The following CC2D2A variants were observed in gnomAD, a reference collection of about 807,000 sequenced individuals.
The protein encoded by CC2D2A is coiled-coil and C2 domain-containing protein 2A.
In CC2D2A, 155 loss-of-function variants were observed where a neutral mutation model predicts 212.9. The ratio of observed to expected loss-of-function variants is 0.73; its 90% confidence interval spans 0.64 to 0.83. The LOEUF is 0.83. Among genes scored for constraint, CC2D2A ranks in the 40% least tolerant of loss-of-function variants. The pLI, the probability that CC2D2A is intolerant of heterozygous loss-of-function variation, is 0.00. For missense variants in CC2D2A, 1,856 were observed against 1,956.2 expected (o/e 0.95, Z 0.97); for synonymous variants, 667 against 686.5 (o/e 0.97, Z 0.44).
intron 12 of CC2D2A, among the ~76,000 whole-genome samples, chr4:15,528,231 C>T (rs558697172): frequency 3.8e-4 from 58 of 152,280 alleles, no homozygotes; most frequent in Non-Finnish European, 6.5e-4. Flanking sequence ...TCTCGTTTTA[C>T]GAGTCTGTAA....
chr4:15,474,821 G>A (rs1714067944), intron 1 of CC2D2A, among the ~76,000 whole-genome samples: 1 of 152,178 alleles, frequency 6.6e-6, no homozygotes, highest in Non-Finnish European at 1.5e-5. Flanking sequence ...ACATGGCAAC[G>A]CAGGGGTCAC....
At chr4:15,474,094 A>G (rs941392866) in intron 1 of CC2D2A, among the ~76,000 whole-genome samples, 1 of 152,214 alleles carries the variant, frequency 6.6e-6, no homozygotes, top group Non-Finnish European at 1.5e-5. Context: ...AGATGGCCAG[A>G]GGAATGAAAA....
In CC2D2A at chr4:15,586,256, T is replaced by A. The variant is rs1400192200; in HGVS notation, c.4065+10T>A. On this transcript the variant is annotated intron_variant, in intron 31 of 36. Transcript: ENST00000424120. ...CTGGAGCACATCTGATGTAAGTAGT[T>A]CTTCTTCACAGATTTAGAAACTTGA... 2.6e-6 allele frequency: 4 copies of A among 1,521,608 alleles called. No homozygotes were observed. The East Asian group carries it at 7.0e-5, about 27-fold the overall frequency. The allele number at this position is 1,521,608 out of a possible 1,614,324, so 94.3% of individuals were successfully genotyped here. A position where few individuals can be genotyped will look rare whatever the true frequency, so the allele number is the denominator to read the frequency against.
chr4:15,511,032 A>G (rs1032668412), intron 7 of CC2D2A, among the ~76,000 whole-genome samples: 1 of 152,194 alleles, frequency 6.6e-6, no homozygotes, highest in Admixed American at 6.5e-5. Context: ...TTTTAAAGTC[A>G]CTAATTAGAG....
chr4:15,583,875 TG>T (rs1720751903), intron 30 of CC2D2A, among the ~76,000 whole-genome samples: 2 of 149,650 alleles, frequency 1.3e-5, no homozygotes. Context: ...GGCGTGAACC[TG>T]GGAGGTGGAG....
intron 29 of CC2D2A, 68 bp from the exon 30 acceptor site, chr4:15,579,900 T>C (rs1720581880): frequency 8.0e-7 from 1 of 1,253,870 alleles, no homozygotes; most frequent in South Asian, 1.2e-5. Flanking sequence ...ATGTTGACTG[T>C]GGAATCTGAA....
chr4:15,528,659 C>T lies in CC2D2A; in HGVS notation c.1399C>T (p.Pro467Ser). ...AAATGCTGTTCAGACTGGCCTTGAT[C>T]CAGAAAAACCTCATCAGTCTCTCGA... ...LRNAVQTGLDPEKPHQSLDTI... is the reference protein window; with the variant it reads ...LRNAVQTGLDSEKPHQSLDTI... Residue 467 changes from proline (P) to serine (S), a missense_variant, in exon 13 of 37, where the codon CCA becomes TCA. Transcript: ENST00000424120. 1 of 1,613,754 alleles carries T rather than the reference C, an allele frequency of 6.2e-7. No homozygotes were observed. The highest frequency in any genetic ancestry group is 1.1e-5 in the South Asian group (1 of 91,032).
rs1435144536 is a variant in CC2D2A, at chr4:15,502,461, G to C, written c.280G>C (p.Gly94Arg). Residue 94 changes from glycine to arginine, a missense_variant, in exon 5 of 37, where the codon GGC becomes CGC. Physicochemically the swap from Gly to Arg is moderately radical, Grantham distance 125. This residue lies in a region of CC2D2A where 1,512 missense variants were observed against 1,579.3 expected (regional missense o/e 0.96). Transcript: ENST00000424120. ...TCCAATTCCTTCAACTTCCAGAACA[G>C]GCTTTGCAGAATTTTCCATGAGGGG... is the stretch of plus-strand genomic sequence containing the variant. ...LPPIPSTSRT[G>R]FAEFSMRGRM... 9 of 1,608,288 alleles carry C rather than the reference G, an allele frequency of 5.6e-6. No individual in the cohort carries two copies. The highest frequency in any genetic ancestry group is 6.8e-6 in the Non-Finnish European group (8 of 1,178,424).
chr4:15,529,143 A>G (rs1475945546), intron 13 of CC2D2A, among the ~76,000 whole-genome samples: 2 of 152,232 alleles, frequency 1.3e-5, no homozygotes, highest in African/African-American at 4.8e-5. Context: ...ACTGTGGCTC[A>G]TGCCTGTAAT....
At chr4:15,482,144 T>A (rs1318820211) in intron 4 of CC2D2A, 2 of 985,324 alleles carry the variant, frequency 2.0e-6, no homozygotes, top group East Asian at 2.3e-4. Flanking sequence ...TAAGTAACTG[T>A]TGGAAACTAG....
chr4:15,589,513 G>C, intron 32 of CC2D2A, 32 bp from the exon 33 acceptor site: 1 of 1,598,220 alleles, frequency 6.3e-7, no homozygotes, highest in South Asian at 1.1e-5. Flanking sequence ...ATAAATAGTT[G>C]AAAACTAGTT....
At chr4:15,566,095 A>G (rs1719869577) in intron 24 of CC2D2A, among the ~76,000 whole-genome samples, 1 of 152,218 alleles carries the variant, frequency 6.6e-6, no homozygotes, top group Admixed American at 6.5e-5. Context: ...TTGGCAAACC[A>G]TAAGGTTCAA....
chr4:15,486,450 T>C (rs1028695352), intron 4 of CC2D2A, among the ~76,000 whole-genome samples: 2 of 152,094 alleles, frequency 1.3e-5, no homozygotes, highest in African/African-American at 2.4e-5. Context: ...TATTGGCATA[T>C]AGTTGCTCAT....
intron 4 of CC2D2A, among the ~76,000 whole-genome samples, chr4:15,497,182 C>T (rs149518553): frequency 1.3e-5 from 2 of 152,284 alleles, no homozygotes; most frequent in African/African-American, 2.4e-5. Flanking sequence ...GATACGGTAA[C>T]TAAAACAGCA....
At chr4:15,567,523 A>T (rs13116304) in intron 25 of CC2D2A, 41 bp downstream of exon 25, 15 of 1,546,370 alleles carry the variant, frequency 9.7e-6, no homozygotes, top group Middle Eastern at 1.7e-4. Flanking sequence ...TTGCCCCTTA[A>T]GTTTTTAAGA....
In CC2D2A at chr4:15,502,340, G is replaced by C. The variant is rs145397085; in HGVS notation, c.248-89G>C. 813 of 991,644 alleles carry C rather than the reference G, an allele frequency of 8.2e-4. 2 individuals are homozygous for C. Among genetic ancestry groups the C allele is most frequent in the Non-Finnish European group, 1.0e-3 (694 of 676,578 alleles). 61.4% of individuals were successfully genotyped at this position (991,644 alleles called of 1,614,324 possible). On this transcript the variant is annotated intron_variant, in intron 4 of 36. Coordinates refer to ENST00000424120, the MANE Select transcript of CC2D2A (RefSeq NM_001378615.1). ...TTTTTTAATTTAACCTTCCCTTTTG[G>C]GGGGAGGGAATTGTTTTAAAGTAAT...
At chr4:15,592,086 T>C (rs575051151) in intron 33 of CC2D2A, among the ~76,000 whole-genome samples, 2 of 152,270 alleles carry the variant, frequency 1.3e-5, no homozygotes, top group East Asian at 3.9e-4. Context: ...TCTTTGGATG[T>C]CAGTCTTTTT....
intron 4 of CC2D2A, among the ~76,000 whole-genome samples, chr4:15,491,345 T>A (rs1715295152): frequency 6.6e-6 from 1 of 152,180 alleles, no homozygotes; most frequent in Non-Finnish European, 1.5e-5. Flanking sequence ...TGATTAATGA[T>A]TTATTTTTTC....
intron 13 of CC2D2A, among the ~76,000 whole-genome samples, chr4:15,529,274 C>T (rs950211730): frequency 2.0e-5 from 3 of 151,674 alleles, no homozygotes; most frequent in African/African-American, 4.8e-5. Context: ...CCCAACTACT[C>T]GGAAGGCTGA....
Sources: allele counts gnomAD v4.1 joint callset (sites outside exome capture counted in the v4.1 genomes callset), GRCh38; gene constraint gnomAD v4.1.1; regional missense constraint gnomAD v4.1.1; transcripts MANE v1.5; gene names NCBI Gene and HGNC (gene_info 2026-07-23, HGNC 2026-07-21).